The following ERBB4 variants were observed in gnomAD, a reference collection of about 807,000 sequenced individuals.
The protein encoded by ERBB4 is receptor tyrosine-protein kinase erbB-4.
Under a neutral mutation model 158.0 loss-of-function variants are expected in ERBB4, and 42 were observed. The observed-to-expected ratio is 0.27, with a 90% CI of 0.21 to 0.34. ERBB4 has a LOEUF of 0.34. Ranked by LOEUF, ERBB4 falls within the 10% of genes least tolerant of loss-of-function variation. ERBB4 has a pLI of 1.00. For missense variants in ERBB4, 1,333 were observed against 1,624.1 expected (o/e 0.82, Z 3.08); for synonymous variants, 583 against 558.7 (o/e 1.04, Z -0.61).
chr2:212,501,322 A>T (rs1012678368), intron 1 of ERBB4, among the ~76,000 whole-genome samples: 1 of 152,204 alleles, frequency 6.6e-6, no homozygotes, highest in Non-Finnish European at 1.5e-5. Flanking sequence ...GCTGGCAAGG[A>T]GTGAGCCTTG....
intron 1 of ERBB4, among the ~76,000 whole-genome samples, chr2:212,464,499 C>A (rs934327947): frequency 6.6e-6 from 1 of 152,040 alleles, no homozygotes; most frequent in African/African-American, 2.4e-5. Flanking sequence ...GACATTTTAA[C>A]ATGGGAGTGC....
chr2:212,171,036 C>G (rs192217314), intron 1 of ERBB4, among the ~76,000 whole-genome samples: 265 of 152,218 alleles, frequency 1.7e-3, no homozygotes, highest in African/African-American at 6.1e-3. Context: ...GCTGCACACT[C>G]AACACCAGAC....
At chr2:212,144,983 A>G (rs2080616473) in intron 1 of ERBB4, among the ~76,000 whole-genome samples, 1 of 152,174 alleles carries the variant, frequency 6.6e-6, no homozygotes, top group African/African-American at 2.4e-5. Flanking sequence ...TTCGTAAACC[A>G]CTTTGGGGGA....
chr2:212,060,977 A>G (rs556892109), intron 2 of ERBB4, among the ~76,000 whole-genome samples: 2 of 151,208 alleles, frequency 1.3e-5, no homozygotes, highest in South Asian at 2.1e-4. Flanking sequence ...AAATAAATAA[A>G]TAAATAAATA....
chr2:211,945,784 T>C (rs1199242037), intron 3 of ERBB4, among the ~76,000 whole-genome samples: 3 of 152,172 alleles, frequency 2.0e-5, no homozygotes, highest in African/African-American at 7.2e-5. Flanking sequence ...ATAAGGGAAC[T>C]ATTTAAAGAC....
chr2:211,697,372 A>T (rs1263444906), intron 12 of ERBB4, among the ~76,000 whole-genome samples: 1 of 152,214 alleles, frequency 6.6e-6, no homozygotes, highest in African/African-American at 2.4e-5. Context: ...CTAGATGAAA[A>T]GAATTGTCTA....
intron 1 of ERBB4, among the ~76,000 whole-genome samples, chr2:212,325,016 C>A (rs1204492516): frequency 1.9e-4 from 14 of 71,944 alleles, no homozygotes; most frequent in African/African-American, 4.6e-4. Flanking sequence ...TTACAAGCAA[C>A]CCAAAAAAAA....
chr2:212,311,190 TA>T (rs1486403434), intron 1 of ERBB4, among the ~76,000 whole-genome samples: 1 of 150,848 alleles, frequency 6.6e-6, no homozygotes. Context: ...AGGTTAGAGA[TA>T]GGGGTCATCA....
intron 2 of ERBB4, among the ~76,000 whole-genome samples, chr2:212,079,918 A>C (rs916058753): frequency 6.6e-6 from 1 of 152,160 alleles, no homozygotes; most frequent in Non-Finnish European, 1.5e-5. Context: ...TCTTAGGATT[A>C]TATAGTAGAC....
chr2:212,081,597 T>C (rs1315900479), intron 2 of ERBB4, among the ~76,000 whole-genome samples: 1 of 152,146 alleles, frequency 6.6e-6, no homozygotes, highest in East Asian at 1.9e-4. Flanking sequence ...CATTTACTGA[T>C]TAAAAAGATG....
chr2:211,783,027 T>TTTGC (rs398105280), intron 4 of ERBB4, among the ~76,000 whole-genome samples: 2 of 151,886 alleles, frequency 1.3e-5, no homozygotes, highest in African/African-American at 2.4e-5. Context: ...CTTCCATTTG[T>TTTGC]GTCCTATTTT....
chr2:212,053,586 G>A (rs550771128), intron 2 of ERBB4, among the ~76,000 whole-genome samples: 15 of 152,300 alleles, frequency 9.8e-5, no homozygotes, highest in African/African-American at 3.1e-4. Flanking sequence ...TGACTTTCCA[G>A]TTTAACACCC....
chr2:211,917,547 T>C (rs962800679), intron 3 of ERBB4, among the ~76,000 whole-genome samples: 1 of 152,180 alleles, frequency 6.6e-6, no homozygotes, highest in Non-Finnish European at 1.5e-5. Flanking sequence ...AACTGGGATT[T>C]GAACCCAAAG....
At chr2:211,606,447 A>AT (rs5838273) in intron 19 of ERBB4, among the ~76,000 whole-genome samples, 132,476 of 151,302 alleles carry the variant, frequency 0.88, 58,215 homozygotes, top group Admixed American at 0.92. Flanking sequence ...GATTTGGAAA[A>AT]TTTTTTTTTC....
At chr2:211,743,145 C>T (rs183929459) in intron 5 of ERBB4, among the ~76,000 whole-genome samples, 6 of 152,096 alleles carry the variant, frequency 3.9e-5, no homozygotes, top group Admixed American at 3.9e-4. Flanking sequence ...TGTTTTTAAC[C>T]TATTGTCAAA....
chr2:211,754,111 C>T (rs62183024), intron 4 of ERBB4, among the ~76,000 whole-genome samples: 35,275 of 151,876 alleles, frequency 0.23, 4,420 homozygotes, highest in Non-Finnish European at 0.29. Context: ...CTGCCTGCCT[C>T]GGCCTCCCAA....
chr2:211,732,059 A>G (rs895887893), intron 5 of ERBB4, among the ~76,000 whole-genome samples: 1 of 152,080 alleles, frequency 6.6e-6, no homozygotes, highest in African/African-American at 2.4e-5. Flanking sequence ...TAGATTTTAT[A>G]AGCCAATATT....
intron 5 of ERBB4, among the ~76,000 whole-genome samples, chr2:211,742,733 T>G (rs1434930438): frequency 1.3e-5 from 2 of 152,050 alleles, no homozygotes; most frequent in African/African-American, 4.8e-5. Context: ...TATTCTATAA[T>G]GTCTGTATGG....
intron 1 of ERBB4, among the ~76,000 whole-genome samples, chr2:212,348,422 G>A (rs1302265077): frequency 6.6e-6 from 1 of 151,966 alleles, no homozygotes; most frequent in Non-Finnish European, 1.5e-5. Flanking sequence ...CATTAAAGAA[G>A]ACTGAAAAGA....
Sources: gnomAD v4.1 joint callset for allele counts (sites outside exome capture counted in the v4.1 genomes callset) on GRCh38, gnomAD v4.1.1 for gene constraint, MANE v1.5 for transcripts, NCBI Gene and HGNC (gene_info 2026-07-23, HGNC 2026-07-21) for gene names.